NEDD4: variants seen among roughly 807,000 people sequenced by gnomAD.
The protein encoded by NEDD4 is NEDD4 E3 ubiquitin protein ligase, also known as E3 ubiquitin-protein ligase NEDD4.
NEDD4 carries 99 observed loss-of-function variants against 144.9 expected under a neutral mutation model. The ratio of observed to expected loss-of-function variants is 0.68; its 90% CI spans 0.58 to 0.81. NEDD4 has a LOEUF of 0.81. NEDD4 is among the 30% of genes least tolerant of loss of function. The pLI is 0.00. For synonymous variants in NEDD4, 318 were observed against 350.6 expected (o/e 0.91, Z 1.04); for missense variants, 985 against 1,065.9 (o/e 0.92, Z 1.06).
chr15:55,916,915 C>A (rs1192788322), intron 5 of NEDD4: 2 of 1,504,672 alleles, frequency 1.3e-6, no homozygotes, highest in Non-Finnish European at 1.8e-6. Flanking sequence ...AGCTGCACTG[C>A]ATCAAAAGAA....
chr15:55,895,131 G>A (rs1242784023), intron 5 of NEDD4, among the ~76,000 whole-genome samples: 1 of 152,136 alleles, frequency 6.6e-6, no homozygotes, highest in African/African-American at 2.4e-5. Flanking sequence ...TGCTAAAATG[G>A]ATAAAGCTCT....
intron 5 of NEDD4, among the ~76,000 whole-genome samples, chr15:55,897,209 G>A (rs185368465): frequency 2.8e-4 from 43 of 152,192 alleles, no homozygotes; most frequent in African/African-American, 8.4e-4. Flanking sequence ...TCCTGACCTC[G>A]TGATCCGCCC....
chr15:55,917,464 A>AT (rs11341291), intron 5 of NEDD4, among the ~76,000 whole-genome samples: 55 of 148,846 alleles, frequency 3.7e-4, no homozygotes, highest in East Asian at 5.9e-4. Flanking sequence ...GGGACTGTTA[A>AT]TTTTTTTTTT....
At chr15:55,920,418 T>A (rs1174036279) in intron 5 of NEDD4, among the ~76,000 whole-genome samples, 3 of 152,104 alleles carry the variant, frequency 2.0e-5, no homozygotes, top group African/African-American at 7.2e-5. Flanking sequence ...CAGTGCTAAC[T>A]TTTGCATTGG....
chr15:55,868,848 A>C (rs528169325), intron 8 of NEDD4, among the ~76,000 whole-genome samples: 1 of 152,254 alleles, frequency 6.6e-6, no homozygotes, highest in Admixed American at 6.5e-5. Context: ...TTTTGCTGGA[A>C]GAAACCCTCG....
intron 4 of NEDD4, among the ~76,000 whole-genome samples, chr15:55,931,597 A>G (rs764083234): frequency 1.3e-5 from 2 of 152,228 alleles, no homozygotes; most frequent in Non-Finnish European, 2.9e-5. Flanking sequence ...ACAACAGAGG[A>G]AAAAAGTTGC....
chr15:55,988,024 C>T (rs547930127), intron 1 of NEDD4: 4 of 151,748 alleles, frequency 2.6e-5, no homozygotes, highest in African/African-American at 4.8e-5. Context: ...TCATTGCACA[C>T]GTATGTTTAT....
chr15:55,890,428 T>C (rs1347587704), intron 5 of NEDD4, among the ~76,000 whole-genome samples: 1 of 152,218 alleles, frequency 6.6e-6, no homozygotes, highest in Non-Finnish European at 1.5e-5. Context: ...CTATTCTGGA[T>C]ATTTCATATA....
intron 1 of NEDD4, among the ~76,000 whole-genome samples, chr15:55,990,827 C>T (rs1284003200): frequency 6.6e-6 from 1 of 152,230 alleles, no homozygotes; most frequent in African/African-American, 2.4e-5. Flanking sequence ...TTATTCTCTA[C>T]TGTGAATCTC....
At chr15:55,943,901 A>C (rs1376077641) in intron 4 of NEDD4, among the ~76,000 whole-genome samples, 3 of 152,252 alleles carry the variant, frequency 2.0e-5, no homozygotes, top group Non-Finnish European at 2.9e-5. Flanking sequence ...TGTACCTTGC[A>C]GAGACACAGG....
intron 4 of NEDD4, among the ~76,000 whole-genome samples, chr15:55,927,468 A>T (rs576496975): frequency 6.6e-6 from 1 of 152,182 alleles, no homozygotes; most frequent in South Asian, 2.1e-4. Context: ...CTAATTTTTT[A>T]AAAATTTTTG....
chr15:55,854,084 G>A (rs1429903727), intron 12 of NEDD4, among the ~76,000 whole-genome samples: 1 of 152,104 alleles, frequency 6.6e-6, no homozygotes, highest in Non-Finnish European at 1.5e-5. Flanking sequence ...CCAGGAGGCA[G>A]AGGTTGCAGT....
chr15:55,846,447 A>G (rs918504315), intron 18 of NEDD4, among the ~76,000 whole-genome samples: 1 of 152,232 alleles, frequency 6.6e-6, no homozygotes, highest in Non-Finnish European at 1.5e-5. Context: ...GATGGGAAAA[A>G]GTGTAGTGAA....
At chr15:55,976,627 ATTTT>A (rs1229977936) in intron 1 of NEDD4, among the ~76,000 whole-genome samples, 1 of 120,868 alleles carries the variant, frequency 8.3e-6, no homozygotes, top group Admixed American at 8.6e-5. Flanking sequence ...CTGGGCAAAA[ATTTT>A]TTTTTTTTTT....
At chr15:55,948,375 T>C (rs2037165408) in intron 4 of NEDD4, among the ~76,000 whole-genome samples, 1 of 152,226 alleles carries the variant, frequency 6.6e-6, no homozygotes, top group Non-Finnish European at 1.5e-5. Context: ...ATGGCCATAC[T>C]GCCCAAGATA....
chr15:55,907,395 G>C (rs2036136439), intron 5 of NEDD4, among the ~76,000 whole-genome samples: 1 of 152,128 alleles, frequency 6.6e-6, no homozygotes, highest in African/African-American at 2.4e-5. Flanking sequence ...ATATCTCAAT[G>C]TTTAGGTGTT....
chr15:55,852,577 T>G (rs746549611), intron 12 of NEDD4, 34 bp from the exon 13 acceptor site: 2 of 1,605,016 alleles, frequency 1.2e-6, no homozygotes, highest in South Asian at 2.2e-5. Flanking sequence ...ATTAAATACA[T>G]CAAGTTTAAG....
At chr15:55,896,869 CTATT>C (rs1335017841) in intron 5 of NEDD4, among the ~76,000 whole-genome samples, 2 of 151,868 alleles carry the variant, frequency 1.3e-5, no homozygotes, top group Admixed American at 6.6e-5. Context: ...CATAATTTAT[CTATT>C]TAAGACCTAA....
At chr15:55,904,869 G>A (rs2142168365) in intron 5 of NEDD4, among the ~76,000 whole-genome samples, 1 of 152,118 alleles carries the variant, frequency 6.6e-6, no homozygotes, top group South Asian at 2.1e-4. Flanking sequence ...GAGGTGGGTG[G>A]ATCACCTGAG....
Sources: gnomAD v4.1 joint callset for allele counts (sites outside exome capture counted in the v4.1 genomes callset) on GRCh38, gnomAD v4.1.1 for gene constraint, MANE v1.5 for transcripts, NCBI Gene and HGNC (gene_info 2026-07-23, HGNC 2026-07-21) for gene names.